TMEM217: variants seen among roughly 807,000 people sequenced by gnomAD.
TMEM217 encodes transmembrane protein 217, also known as chromosome 6 open reading frame 128.
For missense variants in TMEM217, 204 were observed against 248.8 expected (o/e 0.82, Z 1.21); for synonymous variants, 76 against 88.3 (o/e 0.86, Z 0.78).
At chr6:37,230,832 C>T (rs967796470) in intron 1 of TMEM217, among the ~76,000 whole-genome samples, 1 of 152,108 alleles carries the variant, frequency 6.6e-6, no homozygotes, top group Non-Finnish European at 1.5e-5. Context: ...TAAATTGCCT[C>T]TCTACCACTG....
At chr6:37,231,073 T>C (rs185529854) in intron 1 of TMEM217, among the ~76,000 whole-genome samples, 7 of 152,028 alleles carry the variant, frequency 4.6e-5, no homozygotes, top group Admixed American at 3.9e-4. Context: ...TTATTTATTT[T>C]CTTTTTGAGA....
At chr6:37,249,365 G>A (rs1042045116) in intron 1 of TMEM217, among the ~76,000 whole-genome samples, 14 of 151,958 alleles carry the variant, frequency 9.2e-5, no homozygotes, top group South Asian at 6.2e-4. Context: ...TGTTGCCTAC[G>A]TTGGAGTGCA....
intron 1 of TMEM217, among the ~76,000 whole-genome samples, chr6:37,254,545 G>T (rs2113939543): frequency 6.6e-6 from 1 of 152,320 alleles, no homozygotes; most frequent in East Asian, 1.9e-4. Flanking sequence ...ATGTAGGCAA[G>T]GATGTAGAGT....
At chr6:37,217,866 T>C (rs949238862) in exon 2 of TMEM217, 1 of 985,864 alleles carries the variant, frequency 1.0e-6, no homozygotes, top group Non-Finnish European at 1.2e-6. Context: ...TTCAGCTTCA[T>C]CTTATTCCAT....
chr6:37,215,595 AAAAAAAGAAAAG>A (rs1315146240), downstream of TMEM217, among the ~76,000 whole-genome samples: 1 of 147,340 alleles, frequency 6.8e-6, no homozygotes, highest in Admixed American at 6.8e-5. Flanking sequence ...AAAAAAAAAA[AAAAAAAGAAAAG>A]AAAAAAGAAA....
At chr6:37,247,076 C>G (rs1765129465) in intron 1 of TMEM217, among the ~76,000 whole-genome samples, 1 of 152,052 alleles carries the variant, frequency 6.6e-6, no homozygotes, top group Non-Finnish European at 1.5e-5. Context: ...TGTCATGTCC[C>G]AGCTTAAACT....
intron 1 of TMEM217, among the ~76,000 whole-genome samples, chr6:37,233,281 C>G (rs2113863111): frequency 6.6e-6 from 1 of 152,314 alleles, no homozygotes; most frequent in South Asian, 2.1e-4. Flanking sequence ...TCCATCAACT[C>G]TCCTTCCCAC....
At chr6:37,239,146 C>T (rs987814077) in intron 1 of TMEM217, among the ~76,000 whole-genome samples, 13 of 151,838 alleles carry the variant, frequency 8.6e-5, no homozygotes, top group East Asian at 1.9e-4. Context: ...AAACAAAAGC[C>T]GTATGTCTAA....
chr6:37,250,171 T>C (rs933131344), intron 1 of TMEM217, among the ~76,000 whole-genome samples: 9 of 152,346 alleles, frequency 5.9e-5, no homozygotes, highest in African/African-American at 2.2e-4. Context: ...TACAATATTA[T>C]GTTACTTAAG....
At chr6:37,214,107 TA>T (rs973978176), downstream of TMEM217, among the ~76,000 whole-genome samples, 1 of 152,186 alleles carries the variant, frequency 6.6e-6, no homozygotes, top group African/African-American at 2.4e-5. Context: ...CCAAATACAG[TA>T]AAATATACAG....
At chr6:37,231,652 A>T (rs1224193808) in intron 1 of TMEM217, among the ~76,000 whole-genome samples, 54 of 146,060 alleles carry the variant, frequency 3.7e-4, no homozygotes, top group Non-Finnish European at 6.2e-4. Flanking sequence ...AGCCTGGGCG[A>T]TAGAGTGAGA....
chr6:37,227,379 CT>C (rs1452852832), intron 1 of TMEM217, among the ~76,000 whole-genome samples: 1 of 152,188 alleles, frequency 6.6e-6, no homozygotes, highest in African/African-American at 2.4e-5. Flanking sequence ...CCTTCCCATT[CT>C]TTTTCCCATC....
intron 1 of TMEM217, among the ~76,000 whole-genome samples, chr6:37,245,239 C>T (rs1039205788): frequency 6.6e-6 from 1 of 151,706 alleles, no homozygotes; most frequent in Non-Finnish European, 1.5e-5. Context: ...GTAGCCCCAA[C>T]ATCATAACAC....
downstream of TMEM217, among the ~76,000 whole-genome samples, chr6:37,215,906 A>G (rs1763176480): frequency 6.6e-6 from 1 of 152,080 alleles, no homozygotes; most frequent in Admixed American, 6.6e-5. Flanking sequence ...AAGGCTGTAT[A>G]TGTTGGCAGG....
chr6:37,214,951 T>C (rs900839774), downstream of TMEM217, among the ~76,000 whole-genome samples: 1 of 152,186 alleles, frequency 6.6e-6, no homozygotes. Flanking sequence ...CCACTACCCA[T>C]GGGGTACTCA....
chr6:37,237,427 T>C (rs1170250030), intron 1 of TMEM217, among the ~76,000 whole-genome samples: 1 of 152,212 alleles, frequency 6.6e-6, no homozygotes, highest in East Asian at 1.9e-4. Flanking sequence ...GGTAGCCCAC[T>C]GTAAATATCT....
At chr6:37,234,287 G>A (rs1192815762) in intron 1 of TMEM217, among the ~76,000 whole-genome samples, 1 of 151,850 alleles carries the variant, frequency 6.6e-6, no homozygotes, top group Non-Finnish European at 1.5e-5. Context: ...TTTAGTCGAG[G>A]TGGGGTTTCT....
At chr6:37,236,079 C>T (rs1764485824) in intron 1 of TMEM217, among the ~76,000 whole-genome samples, 1 of 152,090 alleles carries the variant, frequency 6.6e-6, no homozygotes, top group African/African-American at 2.4e-5. Flanking sequence ...TGATTTTTAT[C>T]CTTTCATCCC....
chr6:37,216,380 G>T (rs79748598), downstream of TMEM217, among the ~76,000 whole-genome samples: 542 of 152,240 alleles, frequency 3.6e-3, 3 homozygotes, highest in African/African-American at 1.0e-2. Flanking sequence ...CGCCTGGCCC[G>T]ATTTGCATTT....
Sources: gnomAD v4.1 joint callset for allele counts (sites outside exome capture counted in the v4.1 genomes callset) on GRCh38, gnomAD v4.1.1 for gene constraint, MANE v1.5 for transcripts, NCBI Gene and HGNC (gene_info 2026-07-23, HGNC 2026-07-21) for gene names.